The following MYO10 variants were observed in gnomAD, a reference collection of about 807,000 sequenced individuals.
MYO10 encodes the protein unconventional myosin-X.
MYO10 carries 133 observed loss-of-function variants against 257.3 expected under a neutral mutation model. The observed-to-expected ratio is 0.52, with a 90% CI of 0.45 to 0.60. MYO10 has a LOEUF of 0.60. MYO10 is among the 20% of genes least tolerant of loss of function. MYO10 has a pLI of 0.00. For synonymous variants in MYO10, 1,104 were observed against 1,028.6 expected (o/e 1.07, Z -1.40); for missense variants, 2,399 against 2,635.7 (o/e 0.91, Z 1.97).
At position 16,785,126 on chromosome 5, in the gene MYO10, G is replaced by A. The variant is rs75676266; in HGVS notation, c.468-1657C>T. On this transcript the variant is annotated intron_variant, in intron 4 of 40. Transcript: ENST00000513610. ...AAGAAAATCAGAGGCAAGCCCAGCCGGGGCGGGGGCTGAATCCACATCCCT... is the reference window on the plus strand; with the variant it reads ...AAGAAAATCAGAGGCAAGCCCAGCCAGGGCGGGGGCTGAATCCACATCCCT... Among the ~76,000 whole-genome samples, 710 of 152,348 alleles carry A rather than the reference G, an allele frequency of 4.7e-3. 7 individuals carry two copies. The highest frequency in any genetic ancestry group is 0.016 in the African/African-American group (664 of 41,582).
In MYO10 at chr5:16,770,663, A is replaced by G. The variant is rs191274206; in HGVS notation, c.931-1460T>C. 2.6e-3 allele frequency among the ~76,000 whole-genome samples: 391 copies of G among 152,388 alleles called. 1 individual carries two copies. The highest frequency in any genetic ancestry group is 4.8e-3 in the Admixed American group (74 of 15,310). ...AAGAACTTGGACTCACACAAGGACC[A>G]TAGGAGAGTGGGAAGAAGGAAACCA... On this transcript the variant is annotated intron_variant, in intron 9 of 40. Transcript: ENST00000513610.
intron 1 of MYO10, among the ~76,000 whole-genome samples, chr5:16,886,549 G>T (rs1275909438): frequency 6.6e-6 from 1 of 152,134 alleles, no homozygotes; most frequent in Admixed American, 6.5e-5. Flanking sequence ...TTTTTTGAAG[G>T]AATATATTTC....
chr5:16,771,293 A>G (rs1022738358), intron 9 of MYO10, among the ~76,000 whole-genome samples: 31 of 152,136 alleles, frequency 2.0e-4, no homozygotes, highest in Non-Finnish European at 4.4e-4. Flanking sequence ...TCAGAATGAC[A>G]AAGATTAGTA....
chr5:16,929,918 G>T (rs1342199388), intron 1 of MYO10, among the ~76,000 whole-genome samples: 1 of 151,944 alleles, frequency 6.6e-6, no homozygotes, highest in East Asian at 1.9e-4. Context: ...AGAACTGTAA[G>T]ATACTTCATA....
chr5:16,912,845 C>CATAT (rs1259160975), intron 1 of MYO10, among the ~76,000 whole-genome samples: 3 of 150,538 alleles, frequency 2.0e-5, no homozygotes, highest in African/African-American at 7.4e-5. Flanking sequence ...CACACACACA[C>CATAT]ACACCATGGT....
chr5:16,759,397 T>C (rs1560969552), intron 17 of MYO10, among the ~76,000 whole-genome samples: 1 of 151,818 alleles, frequency 6.6e-6, no homozygotes, highest in African/African-American at 2.4e-5. Flanking sequence ...TGCCCCAACC[T>C]TTTTCATTTT....
At chr5:16,805,361 C>T (rs1434361501) in intron 3 of MYO10, among the ~76,000 whole-genome samples, 1 of 146,692 alleles carries the variant, frequency 6.8e-6, no homozygotes, top group Non-Finnish European at 1.5e-5. Context: ...ACTCGGGAGG[C>T]TGAGGCAGGA....
intron 2 of MYO10, among the ~76,000 whole-genome samples, chr5:16,869,345 C>T (rs1166735239): frequency 6.6e-6 from 1 of 151,758 alleles, no homozygotes; most frequent in African/African-American, 2.4e-5. Context: ...AGGCCTATTG[C>T]TTTCAAAGAC....
In MYO10 at chr5:16,680,088, G is replaced by A. The variant is rs748022522; in HGVS notation, c.4401C>T (p.Thr1467=). Residue 1467 remains threonine (T), a synonymous_variant, in exon 33 of 41, where the codon ACC becomes ACT. Transcript: ENST00000513610. ...GGTAACAGTGCTTGCGCCCGTACAC[G>A]GTGACGTTCCAGTAGCCTGCAATGG... ...IFKETGYWNV[T]VYGRKHCYRL... 29 of 1,611,966 alleles carry A rather than the reference G, an allele frequency of 1.8e-5. No individual in the cohort carries two copies. Among genetic ancestry groups the A allele is most frequent in the Admixed American group, 6.7e-5 (4 of 59,958 alleles).
At chr5:16,855,923 G>A (rs969500828) in intron 2 of MYO10, among the ~76,000 whole-genome samples, 6 of 152,136 alleles carry the variant, frequency 3.9e-5, no homozygotes, top group Non-Finnish European at 8.8e-5. Context: ...GAAGACCTAC[G>A]CTATTATTAA....
chr5:16,747,637 G>A (rs1740233375), intron 19 of MYO10, among the ~76,000 whole-genome samples: 1 of 152,174 alleles, frequency 6.6e-6, no homozygotes, highest in African/African-American at 2.4e-5. Flanking sequence ...AGAAGATAGA[G>A]GCTGGACGCG....
chr5:16,838,777 T>G (rs62369354), intron 2 of MYO10, among the ~76,000 whole-genome samples: 21,720 of 152,140 alleles, frequency 0.14, 1,841 homozygotes, highest in East Asian at 0.28. Context: ...TTAATGCAAA[T>G]GAGGACTTTA....
rs550093716 is a variant in MYO10 at position 16,854,720 on chromosome 5, TAAAAC to T, written c.120+22884_120+22888del. Among the ~76,000 whole-genome samples, 611 of 152,160 alleles carry T rather than the reference TAAAAC, an allele frequency of 4.0e-3. 4 individuals carry two copies. The highest frequency in any genetic ancestry group is 5.3e-3 in the Non-Finnish European group (363 of 68,004). On this transcript the variant is annotated intron_variant, in intron 2 of 40. Transcript: ENST00000513610. ...TTATATCACAATCAAACTGTTCAAT[TAAAAC>T]AAAACAAAACAAAACAAAACTATTG...
chr5:16,844,281 G>A (rs1175630173), intron 2 of MYO10, among the ~76,000 whole-genome samples: 1 of 151,968 alleles, frequency 6.6e-6, no homozygotes, highest in Non-Finnish European at 1.5e-5. Flanking sequence ...CGGACTCTGA[G>A]GATTTTGCAT....
intron 19 of MYO10, among the ~76,000 whole-genome samples, chr5:16,744,182 T>G (rs1413947892): frequency 6.6e-6 from 1 of 152,228 alleles, no homozygotes; most frequent in Non-Finnish European, 1.5e-5. Flanking sequence ...TCAGCTTAAA[T>G]TTGGGATTAA....
chr5:16,876,255 C>T (rs1159555760), intron 2 of MYO10, among the ~76,000 whole-genome samples: 7 of 152,114 alleles, frequency 4.6e-5, no homozygotes, highest in Non-Finnish European at 8.8e-5. Context: ...AAATTAGTTT[C>T]CTTAGTAAAA....
At chr5:16,763,808 GA>G in intron 12 of MYO10, 53 bp from the exon 13 acceptor site, 1 of 1,055,526 alleles carries the variant, frequency 9.5e-7, no homozygotes, top group Non-Finnish European at 1.4e-6. Context: ...CGATTATATA[GA>G]AAGGTGAAGA....
intron 3 of MYO10, chr5:16,814,679 T>C (rs1047942970): frequency 5.9e-5 from 9 of 152,198 alleles, no homozygotes; most frequent in African/African-American, 1.4e-4. Flanking sequence ...CTCCGGTGAA[T>C]GGCTTCAATG....
intron 26 of MYO10, among the ~76,000 whole-genome samples, chr5:16,696,341 A>C (rs948141098): frequency 6.6e-6 from 1 of 152,156 alleles, no homozygotes; most frequent in African/African-American, 2.4e-5. Context: ...ATAAAATATA[A>C]ATTGGTGATT....
Sources: gnomAD v4.1 joint callset for allele counts (sites outside exome capture counted in the v4.1 genomes callset) on GRCh38, gnomAD v4.1.1 for gene constraint, MANE v1.5 for transcripts, NCBI Gene and HGNC (gene_info 2026-07-23, HGNC 2026-07-21) for gene names.